The following ADAM10 variants were observed in gnomAD, a reference collection of about 807,000 sequenced individuals.
ADAM10 encodes disintegrin and metalloproteinase domain-containing protein 10.
Under a neutral mutation model 90.1 loss-of-function variants are expected in ADAM10, and 17 were observed. The observed-to-expected ratio is 0.19, with a 90% CI of 0.13 to 0.28. ADAM10 has a LOEUF of 0.28. Ranked by LOEUF, ADAM10 falls within the 10% of genes least tolerant of loss-of-function variation. The pLI is 1.00. For synonymous variants in ADAM10, 310 were observed against 298.6 expected (o/e 1.04, Z -0.40); for missense variants, 610 against 914.3 (o/e 0.67, Z 4.29).
At chr15:58,695,204 A>G (rs568809865) in intron 2 of ADAM10, among the ~76,000 whole-genome samples, 1 of 152,302 alleles carries the variant, frequency 6.6e-6, no homozygotes, top group African/African-American at 2.4e-5. Context: ...CAGGTACAAG[A>G]ACTCCAGGCT....
chr15:58,661,130 A>G (rs1380237441), intron 5 of ADAM10, among the ~76,000 whole-genome samples: 1 of 152,228 alleles, frequency 6.6e-6, no homozygotes, highest in Non-Finnish European at 1.5e-5. Context: ...ATAAATTTTG[A>G]TTCTCTGTAT....
At chr15:58,649,936 C>T (rs2140703241) in intron 5 of ADAM10, among the ~76,000 whole-genome samples, 1 of 152,210 alleles carries the variant, frequency 6.6e-6, no homozygotes, top group African/African-American at 2.4e-5. Context: ...CTGAAGGTAT[C>T]ATCTATTTCT....
chr15:58,711,189 T>C (rs773882236), intron 2 of ADAM10, among the ~76,000 whole-genome samples: 3 of 152,194 alleles, frequency 2.0e-5, no homozygotes, highest in Admixed American at 6.5e-5. Flanking sequence ...AACAATTATA[T>C]TGCACTTAAG....
At chr15:58,686,361 T>C (rs1284977804) in intron 2 of ADAM10, 2 of 756,338 alleles carry the variant, frequency 2.6e-6, no homozygotes, top group African/African-American at 1.8e-5. Flanking sequence ...AAACCTATCC[T>C]AATAAAGCTT....
In ADAM10 at chr15:58,603,521, G is replaced by A. The variant is rs118049686; in HGVS notation, c.2026-3797C>T. On this transcript the variant is annotated intron_variant, in intron 14 of 15. Coordinates refer to ENST00000260408, the MANE Select transcript of ADAM10 (RefSeq NM_001110.4). ...GATGATGGGCAAGTTGGGTACAGGA[G>A]ACACACTTCTCTTCCTAAAGTCATT... Among the ~76,000 whole-genome samples, 220 of 152,304 alleles carry A rather than the reference G, an allele frequency of 1.4e-3. 3 individuals carry two copies. The East Asian group carries it at 0.038, about 26-fold the overall frequency.
intron 4 of ADAM10, among the ~76,000 whole-genome samples, chr15:58,678,174 A>G (rs1415413285): frequency 2.0e-5 from 3 of 152,202 alleles, no homozygotes; most frequent in Non-Finnish European, 4.4e-5. Context: ...TAAAAATCAT[A>G]AATGCATCCT....
chr15:58,731,615 G>C (rs184080290), intron 1 of ADAM10, among the ~76,000 whole-genome samples: 16 of 152,180 alleles, frequency 1.1e-4, no homozygotes, highest in African/African-American at 3.9e-4. Flanking sequence ...GTGAGAGAGT[G>C]AGACCCTGTC....
At chr15:58,619,118 T>C (rs1214610175) in intron 11 of ADAM10, among the ~76,000 whole-genome samples, 12 of 149,518 alleles carry the variant, frequency 8.0e-5, no homozygotes, top group African/African-American at 3.0e-4. Context: ...AAGAGACAAA[T>C]GGATAAAGAA....
At chr15:58,697,253 T>G (rs1358198347) in intron 2 of ADAM10, among the ~76,000 whole-genome samples, 1 of 152,100 alleles carries the variant, frequency 6.6e-6, no homozygotes, top group Non-Finnish European at 1.5e-5. Context: ...CAGACTACCC[T>G]GCCCACAGCT....
intron 10 of ADAM10, among the ~76,000 whole-genome samples, chr15:58,622,209 T>TA (rs1197446999): frequency 1.3e-5 from 2 of 152,160 alleles, no homozygotes; most frequent in African/African-American, 4.8e-5. Context: ...CACTATGACA[T>TA]AAAGTTTTTT....
intron 8 of ADAM10, among the ~76,000 whole-genome samples, chr15:58,633,755 T>C (rs1184084511): frequency 6.6e-6 from 1 of 152,132 alleles, no homozygotes; most frequent in Non-Finnish European, 1.5e-5. Context: ...TTAAGTTAAA[T>C]GAAAGTTGAA....
At chr15:58,744,183 T>C (rs1443544738) in intron 1 of ADAM10, among the ~76,000 whole-genome samples, 1 of 146,080 alleles carries the variant, frequency 6.8e-6, no homozygotes, top group Non-Finnish European at 1.5e-5. Flanking sequence ...TTTAGAAAGT[T>C]ACGATCCAGG....
intron 2 of ADAM10, among the ~76,000 whole-genome samples, chr15:58,699,461 GA>G (rs1898069507): frequency 6.6e-6 from 1 of 151,946 alleles, no homozygotes; most frequent in Non-Finnish European, 1.5e-5. Flanking sequence ...AAAAAGAAAG[GA>G]ACAAAGAATA....
chr15:58,650,202 C>T (rs1896651217), intron 5 of ADAM10, among the ~76,000 whole-genome samples: 2 of 152,122 alleles, frequency 1.3e-5, no homozygotes, highest in South Asian at 2.1e-4. Context: ...AGTTGACTCT[C>T]TTGTTCTTCC....
intron 2 of ADAM10, chr15:58,691,394 C>T (rs974190077): frequency 1.7e-5 from 13 of 771,748 alleles, no homozygotes; most frequent in African/African-American, 1.2e-4. Context: ...TCCACTCTTG[C>T]TCCACAAAAG....
At chr15:58,644,071 C>A in intron 6 of ADAM10, 93 bp from the exon 7 acceptor site, 3 of 907,182 alleles carry the variant, frequency 3.3e-6, no homozygotes, top group Non-Finnish European at 3.6e-6. Flanking sequence ...TTATTCATGT[C>A]CTGCCACATT....
intron 1 of ADAM10, among the ~76,000 whole-genome samples, chr15:58,746,352 A>C (rs1158665869): frequency 6.6e-6 from 1 of 152,182 alleles, no homozygotes; most frequent in African/African-American, 2.4e-5. Flanking sequence ...ACATCCTTGA[A>C]GATCTTAAAC....
rs530569288 is a variant in ADAM10, at chr15:58,590,159, G to T, written c.*7388C>A. The T allele has an allele frequency of 6.6e-6, 1 of 152,184 alleles. No homozygotes were observed. The highest frequency in any genetic ancestry group is 1.9e-4 in the East Asian group (1 of 5,180). The allele number at this position is 152,184 out of a possible 1,614,324, so 9.4% of individuals were successfully genotyped here. ...TCATAAGGAATTCTCTGACCTTCCT[G>T]ATGTCCCACCCTCCTTTCTCAGTCC... On this transcript the variant is annotated 3_prime_UTR_variant, in exon 16 of 16. Transcript: ENST00000260408.
chr15:58,688,780 A>G (rs1208032776), intron 2 of ADAM10, among the ~76,000 whole-genome samples: 1 of 130,918 alleles, frequency 7.6e-6, no homozygotes, highest in African/African-American at 3.4e-5. Flanking sequence ...ATATATATAT[A>G]TATATATCTC....
Sources: gnomAD v4.1 joint callset for allele counts (sites outside exome capture counted in the v4.1 genomes callset) on GRCh38, gnomAD v4.1.1 for gene constraint, MANE v1.5 for transcripts, NCBI Gene and HGNC (gene_info 2026-07-23, HGNC 2026-07-21) for gene names.